FNDC3B: variants seen among roughly 807,000 people sequenced by gnomAD.
FNDC3B encodes the protein fibronectin type III domain-containing protein 3B.
FNDC3B carries 12 observed loss-of-function variants against 151.5 expected under a neutral mutation model. That is an observed-to-expected ratio of 0.08 (90% confidence interval 0.05 to 0.13). The LOEUF (loss-of-function observed/expected upper bound fraction) is 0.13. FNDC3B is among the 10% of genes least tolerant of loss of function. The pLI is 1.00. For synonymous variants in FNDC3B, 528 were observed against 549.0 expected, an observed-to-expected ratio of 0.96 and a Z score of 0.54; for missense variants, 1,214 against 1,505.3, an observed-to-expected ratio of 0.81 and a Z score of 3.20.
intron 4 of FNDC3B, among the ~76,000 whole-genome samples, chr3:172,232,174 C>T (rs370303081): frequency 3.3e-5 from 5 of 152,108 alleles, no homozygotes; most frequent in Non-Finnish European, 7.4e-5. Context: ...AGCCACCACA[C>T]CCTGCCAGTA....
At chr3:172,269,432 A>G (rs1318819203) in intron 6 of FNDC3B, among the ~76,000 whole-genome samples, 1 of 142,040 alleles carries the variant, frequency 7.0e-6, no homozygotes. Context: ...CTAATTAAAA[A>G]AAATTTTTTT....
intron 6 of FNDC3B, among the ~76,000 whole-genome samples, chr3:172,265,803 A>G (rs374839659): frequency 6.6e-6 from 1 of 152,352 alleles, no homozygotes; most frequent in African/African-American, 2.4e-5. Flanking sequence ...GACACTGTAC[A>G]TAGTACCTAC....
At chr3:172,168,149 C>T (rs1387895410) in intron 3 of FNDC3B, among the ~76,000 whole-genome samples, 2 of 152,068 alleles carry the variant, frequency 1.3e-5, no homozygotes, top group East Asian at 3.9e-4. Context: ...CACTTTTTAC[C>T]CTCACTTTTC....
intron 2 of FNDC3B, among the ~76,000 whole-genome samples, chr3:172,126,005 A>G (rs1489619271): frequency 6.6e-6 from 1 of 152,182 alleles, no homozygotes; most frequent in African/African-American, 2.4e-5. Context: ...AACTGGAGGC[A>G]GGGAGTTGCT....
At chr3:172,381,129 G>A (rs1207818711) in intron 25 of FNDC3B, 36 bp downstream of exon 25, 9 of 1,609,994 alleles carry the variant, frequency 5.6e-6, no homozygotes, top group Non-Finnish European at 5.9e-6. Flanking sequence ...GTGCAACTGA[G>A]TATGGCTGGC....
In FNDC3B at chr3:172,216,390, GGCACAGTAACTC is replaced by G. The variant is rs1200933024; in HGVS notation, c.188-10476_188-10465del. ...TCATTTAAATAAGTTTAACTGGCTGGGCACAGTAACTCGCACCTGTAATCTCTGCCCTTTGGG... is the reference window on the plus strand; with the variant it reads ...TCATTTAAATAAGTTTAACTGGCTGGGCACCTGTAATCTCTGCCCTTTGGG... On this transcript the variant is annotated intron_variant, in intron 3 of 25. Transcript: ENST00000415807. 3.3e-5 allele frequency among the ~76,000 whole-genome samples: 5 copies of G among 152,250 alleles called. No homozygotes were observed. In the East Asian group the frequency reaches 9.6e-4, roughly 29 times the overall value.
In FNDC3B at chr3:172,344,093, T is replaced by C. The variant is rs766696408; in HGVS notation, c.2085T>C (p.Pro695=). 1.2e-6 allele frequency: 2 copies of C among 1,609,868 alleles called. No homozygotes were observed. The highest frequency in any genetic ancestry group is 2.2e-5 in the East Asian group (1 of 44,638). Residue 695 remains proline, a synonymous_variant, in exon 19 of 26, where the codon CCT becomes CCC. Coordinates refer to ENST00000415807, the MANE Select transcript of FNDC3B (RefSeq NM_022763.4). ...HKEVHLEWDV[P]ASESGCEVSE... is the part of the protein sequence containing the mutation. ...AAAATTCTTCATTCCCAGATGTTCC[T>C]GCATCGGAAAGTGGCTGTGAGGTCT...
intron 4 of FNDC3B, among the ~76,000 whole-genome samples, chr3:172,233,512 C>G (rs952725794): frequency 6.6e-6 from 1 of 152,146 alleles, no homozygotes; most frequent in Non-Finnish European, 1.5e-5. Context: ...GAGTGGAGAG[C>G]TGGCCAGAAA....
chr3:172,385,525 C>T (rs1194863975), intron 25 of FNDC3B, among the ~76,000 whole-genome samples: 7 of 151,868 alleles, frequency 4.6e-5, no homozygotes, highest in African/African-American at 1.5e-4. Context: ...AAAATCACCC[C>T]TAATAGGATA....
intron 1 of FNDC3B, among the ~76,000 whole-genome samples, chr3:172,051,528 T>TA (rs1182687053): frequency 6.6e-6 from 1 of 152,138 alleles, no homozygotes; most frequent in Non-Finnish European, 1.5e-5. Context: ...ATAAGAATGA[T>TA]ACAGTGGACT....
At chr3:172,186,319 A>G (rs530361927) in intron 3 of FNDC3B, among the ~76,000 whole-genome samples, 8 of 152,340 alleles carry the variant, frequency 5.3e-5, no homozygotes, top group African/African-American at 1.9e-4. Flanking sequence ...CCCTCATAAC[A>G]TTTTATAAGA....
intron 3 of FNDC3B, among the ~76,000 whole-genome samples, chr3:172,174,856 A>T (rs539547203): frequency 1.9e-3 from 279 of 148,394 alleles, no homozygotes; most frequent in Middle Eastern, 3.6e-3. Flanking sequence ...TTGTGTATAC[A>T]GTTAATTCCC....
At chr3:172,320,031 C>G (rs1732004598) in intron 11 of FNDC3B, among the ~76,000 whole-genome samples, 1 of 152,148 alleles carries the variant, frequency 6.6e-6, no homozygotes, top group Admixed American at 6.6e-5. Context: ...ATTTAGCAGA[C>G]AGTCATCAAA....
chr3:172,076,032 C>T (rs1717992103), intron 1 of FNDC3B, among the ~76,000 whole-genome samples: 1 of 152,088 alleles, frequency 6.6e-6, no homozygotes, highest in Non-Finnish European at 1.5e-5. Flanking sequence ...TCCTCTTTTA[C>T]AGGCTTAAGG....
At chr3:172,093,352 G>A (rs769394796) in intron 1 of FNDC3B, among the ~76,000 whole-genome samples, 38 of 150,884 alleles carry the variant, frequency 2.5e-4, no homozygotes, top group Non-Finnish European at 4.1e-4. Context: ...TCCGCCTCCC[G>A]GGTTCACGCC....
chr3:172,062,224 T>G (rs1220980698), intron 1 of FNDC3B, among the ~76,000 whole-genome samples: 2 of 152,074 alleles, frequency 1.3e-5, no homozygotes, highest in Non-Finnish European at 2.9e-5. Flanking sequence ...ATTCTTTTCC[T>G]TTTCTAGGGT....
At chr3:172,212,635 C>T (rs1725787625) in intron 3 of FNDC3B, among the ~76,000 whole-genome samples, 1 of 152,214 alleles carries the variant, frequency 6.6e-6, no homozygotes, top group Non-Finnish European at 1.5e-5. Flanking sequence ...ACCTACGTGA[C>T]ACCAGTACCA....
At chr3:172,106,172 CT>C (rs911418186) in intron 1 of FNDC3B, among the ~76,000 whole-genome samples, 1 of 151,984 alleles carries the variant, frequency 6.6e-6, no homozygotes, top group Admixed American at 6.6e-5. Flanking sequence ...CTCCATCAAC[CT>C]TTTTTTTAAA....
intron 3 of FNDC3B, among the ~76,000 whole-genome samples, chr3:172,194,360 G>A (rs984204107): frequency 3.3e-5 from 5 of 152,154 alleles, no homozygotes; most frequent in Non-Finnish European, 5.9e-5. Flanking sequence ...AAATGTAAAC[G>A]TGTGATTCTT....
Sources: allele counts gnomAD v4.1 joint callset (sites outside exome capture counted in the v4.1 genomes callset), GRCh38; gene constraint gnomAD v4.1.1; transcripts MANE v1.5; gene names NCBI Gene and HGNC (gene_info 2026-07-23, HGNC 2026-07-21).